Variants in DGKB observed in about 807,000 individuals in gnomAD.
The protein encoded by DGKB is diacylglycerol kinase beta.
A neutral mutation model predicts 114.3 loss-of-function variants in DGKB; 67 were observed. That is an observed-to-expected ratio of 0.59 (90% CI 0.48 to 0.72). The LOEUF is 0.72. Ranked by LOEUF, DGKB falls within the 30% of genes least tolerant of loss-of-function variation. DGKB has a pLI of 0.00. For synonymous variants in DGKB, 398 were observed against 323.1 expected, an observed-to-expected ratio of 1.23 and a Z score of -2.49; for missense variants, 907 against 975.2, an observed-to-expected ratio of 0.93 and a Z score of 0.93.
intron 21 of DGKB, among the ~76,000 whole-genome samples, chr7:14,470,822 A>C (rs1354052765): frequency 6.6e-6 from 1 of 151,690 alleles, no homozygotes; most frequent in African/African-American, 2.4e-5. Context: ...ATAAATATGA[A>C]TACATCAACA....
chr7:14,731,307 T>A lies in DGKB; in HGVS notation c.322+4734A>T, dbSNP rs1280669451. 1.3e-5 allele frequency among the ~76,000 whole-genome samples: 2 copies of A among 152,198 alleles called. 1 individual carries two copies. Among genetic ancestry groups the A allele is most frequent in the Non-Finnish European group, 2.9e-5 (2 of 68,032 alleles). On this transcript the variant is annotated intron_variant, in intron 5 of 25. Transcript: ENST00000402815. Reference sequence around the variant, plus strand: ...ACAAAGTGTTCCATCTAAAATACAGTACGTAAATATTATTTGTGAGCTGTG... The same window carrying A: ...ACAAAGTGTTCCATCTAAAATACAGAACGTAAATATTATTTGTGAGCTGTG...
chr7:14,912,584 A>G (rs981236282), intron 1 of DGKB, among the ~76,000 whole-genome samples: 2 of 152,184 alleles, frequency 1.3e-5, no homozygotes, highest in Non-Finnish European at 2.9e-5. Flanking sequence ...GTTTTAATGG[A>G]GTTAAAATAA....
In DGKB at chr7:14,619,968, AT is replaced by A. The variant is rs1807299323; in HGVS notation, c.1284+1409del. On this transcript the variant is annotated intron_variant, in intron 15 of 25. Coordinates refer to ENST00000402815, the MANE Select transcript of DGKB (RefSeq NM_001350709.2). The stretch of plus-strand genomic sequence containing the variant: ...TCAGAATTAGGCTTCCCTTTCATTA[AT>A]TTCATTCCAGGAACCCAGAGTAGCT... Among the ~76,000 whole-genome samples, 3 of 151,664 alleles carry A rather than the reference AT, an allele frequency of 2.0e-5. No individual in the cohort carries two copies. In the South Asian group the frequency reaches 6.2e-4, roughly 31 times the overall value.
At chr7:14,769,133 G>GAA (rs1836959603) in intron 2 of DGKB, among the ~76,000 whole-genome samples, 31 of 122,544 alleles carry the variant, frequency 2.5e-4, no homozygotes, top group Admixed American at 1.7e-3. Flanking sequence ...AAGAGAGAGA[G>GAA]AGAAAGAAAG....
chr7:14,464,029 C>CTT (rs78829041), intron 21 of DGKB, among the ~76,000 whole-genome samples: 1 of 142,946 alleles, frequency 7.0e-6, no homozygotes, highest in Non-Finnish European at 1.5e-5. Flanking sequence ...GGTAACCAAG[C>CTT]TTTTTTTTTT....
At chr7:14,150,254 C>T (rs1052618263) in intron 25 of DGKB, among the ~76,000 whole-genome samples, 1 of 152,076 alleles carries the variant, frequency 6.6e-6, no homozygotes, top group Non-Finnish European at 1.5e-5. Context: ...GCACAGCATT[C>T]GCATCAGAGA....
rs555730640 is a variant in DGKB at position 14,197,850 on chromosome 7, G to A, written c.2123-19699C>T. Among the ~76,000 whole-genome samples the A allele has an allele frequency of 6.6e-5, 10 of 152,220 alleles. No homozygotes were observed. In the South Asian group the frequency reaches 2.1e-3, roughly 32 times the overall value. On this transcript the variant is annotated intron_variant, in intron 23 of 25. Transcript: ENST00000402815. ...TGACAAGCTCACAGGCATTCATCGAGTGAAAAGGTAGGTAATATTGAGCAA... is the reference window on the plus strand; with the variant it reads ...TGACAAGCTCACAGGCATTCATCGAATGAAAAGGTAGGTAATATTGAGCAA...
At chr7:14,396,090 A>G (rs1822171058) in intron 21 of DGKB, among the ~76,000 whole-genome samples, 1 of 151,998 alleles carries the variant, frequency 6.6e-6, no homozygotes, top group South Asian at 2.1e-4. Context: ...TTAACCTTAC[A>G]TGTTGGTTAG....
chr7:14,801,816 T>A (rs762397477), intron 2 of DGKB, among the ~76,000 whole-genome samples: 3 of 151,378 alleles, frequency 2.0e-5, no homozygotes, highest in Non-Finnish European at 4.4e-5. Flanking sequence ...TTTCTCTCTC[T>A]CCCCCCGATA....
intron 23 of DGKB, among the ~76,000 whole-genome samples, chr7:14,189,759 G>A (rs1337771536): frequency 6.6e-6 from 1 of 152,080 alleles, no homozygotes; most frequent in African/African-American, 2.4e-5. Flanking sequence ...AAGCCATATT[G>A]ATATCAGATA....
intron 23 of DGKB, among the ~76,000 whole-genome samples, chr7:14,257,951 C>T (rs1391652664): frequency 6.6e-6 from 1 of 152,168 alleles, no homozygotes; most frequent in African/African-American, 2.4e-5. Flanking sequence ...TGGTCCTGAA[C>T]TCCTGACCTC....
At chr7:14,597,534 G>A (rs1014019138) in intron 17 of DGKB, among the ~76,000 whole-genome samples, 5 of 151,998 alleles carry the variant, frequency 3.3e-5, no homozygotes, top group East Asian at 1.9e-4. Context: ...TCTTGATTAC[G>A]AAGAACACTG....
At chr7:14,239,822 C>T (rs1011809828) in intron 23 of DGKB, among the ~76,000 whole-genome samples, 2 of 151,926 alleles carry the variant, frequency 1.3e-5, no homozygotes, top group Non-Finnish European at 2.9e-5. Context: ...GATTTTAAAT[C>T]ATTATTGTGT....
chr7:14,873,246 C>T (rs1377766460), intron 1 of DGKB, among the ~76,000 whole-genome samples: 1 of 152,096 alleles, frequency 6.6e-6, no homozygotes. Flanking sequence ...GCATCCCTTT[C>T]TATTACACTT....
chr7:14,627,087 T>G (rs974090336), intron 14 of DGKB, among the ~76,000 whole-genome samples: 3 of 152,170 alleles, frequency 2.0e-5, no homozygotes, highest in African/African-American at 7.2e-5. Flanking sequence ...TTTTAAAGTA[T>G]AGATAAAAAA....
chr7:14,661,199 C>T (rs1023639810), intron 13 of DGKB, among the ~76,000 whole-genome samples: 2 of 150,966 alleles, frequency 1.3e-5, no homozygotes. Context: ...CCAAAATTGA[C>T]AAATGGGATC....
chr7:14,827,442 C>T (rs548946922), intron 2 of DGKB, among the ~76,000 whole-genome samples: 79 of 151,870 alleles, frequency 5.2e-4, no homozygotes, highest in African/African-American at 1.8e-3. Context: ...GAGAGACAGA[C>T]ACAGACAGAC....
intron 13 of DGKB, among the ~76,000 whole-genome samples, chr7:14,659,304 G>T (rs1477815728): frequency 6.6e-6 from 1 of 151,746 alleles, no homozygotes. Flanking sequence ...GTTCAAAAGT[G>T]AGATAAATTA....
At chr7:14,810,441 A>T (rs1365701700) in intron 2 of DGKB, among the ~76,000 whole-genome samples, 1 of 152,230 alleles carries the variant, frequency 6.6e-6, no homozygotes, top group East Asian at 1.9e-4. Context: ...TGTTCTGCAA[A>T]TGTCAAGTTA....
Sources: allele counts gnomAD v4.1 joint callset (sites outside exome capture counted in the v4.1 genomes callset), GRCh38; gene constraint gnomAD v4.1.1; transcripts MANE v1.5; gene names NCBI Gene and HGNC (gene_info 2026-07-23, HGNC 2026-07-21).